Variants in KLHL5 observed in about 807,000 individuals in gnomAD.
KLHL5 encodes kelch-like protein 5.
Under a neutral mutation model 77.7 loss-of-function variants are expected in KLHL5, and 48 were observed. The observed-to-expected ratio is 0.62, with a 90% CI of 0.49 to 0.79. KLHL5 has a LOEUF of 0.79. KLHL5 is among the 30% of genes least tolerant of loss of function. The pLI, the probability that KLHL5 is intolerant of heterozygous loss-of-function variation, is 0.00. For synonymous variants in KLHL5, 260 were observed against 297.0 expected (o/e 0.88, Z 1.28); for missense variants, 723 against 859.7 (o/e 0.84, Z 1.99).
In KLHL5 at chr4:39,122,824, T is replaced by TA. The variant is rs1388188305; in HGVS notation, c.*1768dup. Among the ~76,000 whole-genome samples, 1,224 of 150,206 alleles carry TA rather than the reference T, an allele frequency of 8.1e-3. 19 individuals carry two copies. The highest frequency in any genetic ancestry group is 0.028 in the African/African-American group (1,146 of 41,032). ...CGAGACTCCATCAAAAAAAAATAAATAAAAAAAAAATAAAAGATTTCATTT... is the reference window on the plus strand; with the variant it reads ...CGAGACTCCATCAAAAAAAAATAAATAAAAAAAAAAATAAAAGATTTCATTT... On this transcript the variant is annotated 3_prime_UTR_variant, in exon 11 of 11. Coordinates refer to ENST00000504108, the MANE Select transcript of KLHL5 (RefSeq NM_015990.5).
upstream of KLHL5, among the ~76,000 whole-genome samples, chr4:39,058,081 A>G (rs1717122952): frequency 6.6e-6 from 1 of 152,218 alleles, no homozygotes; most frequent in Admixed American, 6.5e-5. Context: ...AAATGTATTC[A>G]TAATTGACAC....
At chr4:39,118,408 A>G (rs898896536) in intron 10 of KLHL5, among the ~76,000 whole-genome samples, 2 of 152,172 alleles carry the variant, frequency 1.3e-5, no homozygotes, top group Admixed American at 1.3e-4. Flanking sequence ...CTAGAAAGAA[A>G]AAGTGAAACT....
rs1389765354 is a variant in KLHL5, at chr4:39,115,331, G to A, written c.2073+1G>A. The A allele has an allele frequency of 1.6e-5, 26 of 1,613,858 alleles. No individual in the cohort carries two copies. Among genetic ancestry groups the A allele is most frequent in the Non-Finnish European group, 2.2e-5 (26 of 1,179,850 alleles). ...TCCCCAGACAAATGAGTGGACCCAG[G>A]TATGGCATTCATGTTTCATTATTAC... On this transcript the variant is annotated splice_donor_variant, in intron 10 of 10. Coordinates refer to ENST00000504108, the MANE Select transcript of KLHL5 (RefSeq NM_015990.5). LOFTEE classifies it high-confidence loss of function.
In KLHL5 at chr4:39,075,896, G is replaced by A. The variant is rs1037936127; in HGVS notation, c.384-69G>A. 2.3e-6 allele frequency: 3 copies of A among 1,316,870 alleles called. No homozygotes were observed. In the African/African-American group the frequency reaches 4.5e-5, roughly 20 times the overall value. The allele number at this position is 1,316,870 out of a possible 1,614,324, so 81.6% of individuals were successfully genotyped here. A position where few individuals can be genotyped will look rare whatever the true frequency, so the allele number is the denominator to read the frequency against. On this transcript the variant is annotated intron_variant, in intron 1 of 10. Transcript: ENST00000504108. ...CTATTACATTTGAAGGCTTTCAAAA[G>A]ACTTAATAGGAAAGATCTTTTTAAT...
chr4:39,141,554 G>A, the KLHL5 span, among the ~76,000 whole-genome samples: 6 of 152,008 alleles, frequency 3.9e-5, no homozygotes, highest in African/African-American at 1.4e-4. Flanking sequence ...CTCGTGATCC[G>A]CCCACCTCGG....
At chr4:39,108,919 C>T (rs879279290) in intron 8 of KLHL5, among the ~76,000 whole-genome samples, 8 of 152,124 alleles carry the variant, frequency 5.3e-5, no homozygotes, top group Admixed American at 2.0e-4. Context: ...CCGGACCTAC[C>T]GTAGCTTAGA....
At chr4:39,114,928 G>A (rs1722728944) in intron 9 of KLHL5, among the ~76,000 whole-genome samples, 1 of 152,182 alleles carries the variant, frequency 6.6e-6, no homozygotes, top group African/African-American at 2.4e-5. Context: ...GCAGTCTTCA[G>A]TATTGACACT....
At chr4:39,093,690 G>A (rs1720799569) in intron 5 of KLHL5, among the ~76,000 whole-genome samples, 1 of 152,140 alleles carries the variant, frequency 6.6e-6, no homozygotes, top group Non-Finnish European at 1.5e-5. Context: ...AGGATCACTT[G>A]AGGTCAGGAG....
intron 5 of KLHL5, among the ~76,000 whole-genome samples, chr4:39,094,958 G>C (rs1224900586): frequency 2.0e-5 from 3 of 151,958 alleles, no homozygotes; most frequent in African/African-American, 7.3e-5. Context: ...AAAAAGACAA[G>C]ACTTTGTAAC....
intron 2 of KLHL5, among the ~76,000 whole-genome samples, chr4:39,080,800 A>T (rs1719547409): frequency 6.6e-6 from 1 of 152,142 alleles, no homozygotes; most frequent in Non-Finnish European, 1.5e-5. Context: ...ATAAACAATA[A>T]CTTTTAAATT....
chr4:39,090,361 C>T (rs1470282667), intron 5 of KLHL5, among the ~76,000 whole-genome samples: 1 of 151,962 alleles, frequency 6.6e-6, no homozygotes, highest in Non-Finnish European at 1.5e-5. Context: ...GTAATTTTAT[C>T]ATCGTGTCTC....
chr4:39,119,424 A>G (rs952708826), intron 10 of KLHL5, among the ~76,000 whole-genome samples: 1 of 152,104 alleles, frequency 6.6e-6, no homozygotes, highest in Non-Finnish European at 1.5e-5. Context: ...TGTCTCTACT[A>G]AAATACAAAA....
In KLHL5 at chr4:39,125,028, A is replaced by G. The variant is rs953501172; in HGVS notation, c.*3962A>G. Among the ~76,000 whole-genome samples, 2 of 152,168 alleles carry G rather than the reference A, an allele frequency of 1.3e-5. No individual in the cohort carries two copies. The highest frequency in any genetic ancestry group is 4.8e-5 in the African/African-American group (2 of 41,442). Reference sequence around the variant, plus strand: ...AAGGACTTAAATAGACATTTCTCTAATGAAGATATACAAATGGCCGACAAG... The same window carrying G: ...AAGGACTTAAATAGACATTTCTCTAGTGAAGATATACAAATGGCCGACAAG... On this transcript the variant is annotated 3_prime_UTR_variant, in exon 11 of 11. Coordinates refer to ENST00000504108, the MANE Select transcript of KLHL5 (RefSeq NM_015990.5).
intron 1 of KLHL5, among the ~76,000 whole-genome samples, chr4:39,072,419 T>C (rs1718564057): frequency 6.6e-6 from 1 of 152,116 alleles, no homozygotes; most frequent in African/African-American, 2.4e-5. Flanking sequence ...TTATACATAG[T>C]GAGTGACAGA....
chr4:39,115,926 G>T, intron 10 of KLHL5: 1 of 988,318 alleles, frequency 1.0e-6, no homozygotes, highest in Non-Finnish European at 1.2e-6. Flanking sequence ...ACAGAATCAG[G>T]AATTTGTGCT....
rs1719672237 is a variant in KLHL5 at position 39,082,118 on chromosome 4, G to A, written c.859G>A (p.Gly287Ser). The change falls in exon 4 of 11, where the codon GGT becomes AGT. Residue 287 changes from glycine (G) to serine (S), a missense_variant. Coordinates refer to ENST00000504108, the MANE Select transcript of KLHL5 (RefSeq NM_015990.5). ...AATTCGTTCTTTTGCTGATGCCCAA[G>A]GTTGTACAGATTTGCATAAAGTGGC... ...LGIRSFADAQGCTDLHKVAHN... is the reference protein window; with the variant it reads ...LGIRSFADAQSCTDLHKVAHN... 6.2e-7 allele frequency: 1 copy of A among 1,610,556 alleles called. No homozygotes were observed. Among genetic ancestry groups the A allele is most frequent in the Non-Finnish European group, 8.5e-7 (1 of 1,179,072 alleles).
chr4:39,106,906 TAAA>T (rs10571577), intron 7 of KLHL5, among the ~76,000 whole-genome samples: 12 of 148,208 alleles, frequency 8.1e-5, no homozygotes, highest in African/African-American at 2.7e-4. Context: ...CCTGGCTAAT[TAAA>T]AAAAAAAAAA....
upstream of KLHL5, among the ~76,000 whole-genome samples, chr4:39,057,357 A>G (rs946058224): frequency 6.6e-6 from 1 of 152,198 alleles, no homozygotes; most frequent in Non-Finnish European, 1.5e-5. Flanking sequence ...ACAGAAATAC[A>G]GGATATTTTT....
At chr4:39,044,926 C>G, upstream of KLHL5, 5 of 980,546 alleles carry the variant, frequency 5.1e-6, no homozygotes, top group Non-Finnish European at 6.0e-6. Flanking sequence ...GGGAGTGGCT[C>G]GCTCCGGGCC....
Sources: gnomAD v4.1 joint callset for allele counts (sites outside exome capture counted in the v4.1 genomes callset) on GRCh38, gnomAD v4.1.1 for gene constraint, MANE v1.5 for transcripts, NCBI Gene and HGNC (gene_info 2026-07-23, HGNC 2026-07-21) for gene names.